Variants in MAGI2 observed in about 807,000 individuals in gnomAD.
The protein encoded by MAGI2 is membrane-associated guanylate kinase, WW and PDZ domain-containing protein 2.
MAGI2 carries 35 observed loss-of-function variants against 133.3 expected under a neutral mutation model. The ratio of observed to expected loss-of-function variants is 0.26; its 90% CI spans 0.20 to 0.35. The LOEUF is 0.35. MAGI2 is among the 10% of genes least tolerant of loss of function. MAGI2 has a pLI of 1.00. For missense variants in MAGI2, 1,636 were observed against 1,863.4 expected (o/e 0.88, Z 2.25); for synonymous variants, 729 against 710.6 (o/e 1.03, Z -0.41).
At chr7:78,585,942 A>G (rs902528758) in intron 3 of MAGI2, among the ~76,000 whole-genome samples, 5 of 152,234 alleles carry the variant, frequency 3.3e-5, no homozygotes, top group South Asian at 2.1e-4. Flanking sequence ...CCAGTAATCA[A>G]TACACCACAG....
chr7:78,276,468 T>A (rs190576194), intron 9 of MAGI2, among the ~76,000 whole-genome samples: 30 of 152,260 alleles, frequency 2.0e-4, no homozygotes, highest in East Asian at 7.7e-4. Context: ...ATTTTATTTT[T>A]TTTTTCCCCA....
Position 78,057,973 on chromosome 7 carries a change from A to ATGTG in MAGI2, c.3706+20970_3706+20973dup, listed in dbSNP as rs1364096782. 4.5e-3 allele frequency among the ~76,000 whole-genome samples: 315 copies of ATGTG among 70,756 alleles called. 4 individuals are homozygous for ATGTG. Among genetic ancestry groups the ATGTG allele is most frequent in the African/African-American group, 0.023 (306 of 13,288 alleles). 46.4% of individuals were successfully genotyped at this position (70,756 alleles called of 152,430 possible). A position where few individuals can be genotyped will look rare whatever the true frequency, so the allele number is the denominator to read the frequency against. ...TTCTCCCCTCTGGCATTTTATATAT[A>ATGTG]TGTGTATATATATATATATATATAT... is the stretch of plus-strand genomic sequence containing the variant. On this transcript the variant is annotated intron_variant, in intron 21 of 21. Coordinates refer to ENST00000354212, the MANE Select transcript of MAGI2 (RefSeq NM_012301.4).
chr7:78,489,807 T>C lies in MAGI2; in HGVS notation c.999A>G (p.Pro333=), dbSNP rs747140845. ...HNTKTTSWLD[P]RLAKKAKPPE... is the part of the protein sequence containing the mutation. ...GAGGTTTAGCCTTTTTCGCAAGTCG[T>C]GGATCCAGCCATGATGTTGTCTTTG... The change falls in exon 6 of 22, where the codon CCA becomes CCG. Residue 333 remains proline, a synonymous_variant. Coordinates refer to ENST00000354212, the MANE Select transcript of MAGI2 (RefSeq NM_012301.4). 1 of 1,612,836 alleles carries C rather than the reference T, an allele frequency of 6.2e-7. No individual in the cohort carries two copies. Among genetic ancestry groups the C allele is most frequent in the Non-Finnish European group, 8.5e-7 (1 of 1,179,336 alleles).
At chr7:79,214,407 C>CTCTATATATA (rs1554406633) in intron 1 of MAGI2, among the ~76,000 whole-genome samples, 4 of 17,714 alleles carry the variant, frequency 2.3e-4, no homozygotes, top group African/African-American at 7.0e-4. Flanking sequence ...CTCTCTCTCT[C>CTCTATATATA]TATATATATA....
At chr7:78,159,216 C>A (rs1824713325) in intron 16 of MAGI2, among the ~76,000 whole-genome samples, 1 of 152,198 alleles carries the variant, frequency 6.6e-6, no homozygotes, top group South Asian at 2.1e-4. Flanking sequence ...GATAAATTGG[C>A]TCTGCTAGGC....
chr7:78,375,052 AG>A (rs1331543304), intron 6 of MAGI2, among the ~76,000 whole-genome samples: 9 of 151,976 alleles, frequency 5.9e-5, no homozygotes, highest in Non-Finnish European at 1.2e-4. Flanking sequence ...CATGTTGGCA[AG>A]GCTGGTCTCC....
chr7:78,988,045 C>A (rs1307772398), intron 2 of MAGI2, among the ~76,000 whole-genome samples: 1 of 152,064 alleles, frequency 6.6e-6, no homozygotes, highest in Admixed American at 6.6e-5. Context: ...ATAATGCTAA[C>A]ATTGCAAAGC....
intron 1 of MAGI2, among the ~76,000 whole-genome samples, chr7:79,219,433 A>T (rs1381826222): frequency 6.6e-6 from 1 of 152,038 alleles, no homozygotes; most frequent in East Asian, 1.9e-4. Context: ...TGTATTTGGC[A>T]TTTAGCTTTC....
chr7:78,520,595 A>C (rs1172737078), intron 4 of MAGI2, among the ~76,000 whole-genome samples: 1 of 152,154 alleles, frequency 6.6e-6, no homozygotes, highest in African/African-American at 2.4e-5. Flanking sequence ...TAATAAAATG[A>C]AATTTTGGAA....
chr7:78,657,335 A>G (rs1304593236), intron 2 of MAGI2, among the ~76,000 whole-genome samples: 3 of 152,200 alleles, frequency 2.0e-5, no homozygotes, highest in African/African-American at 7.2e-5. Context: ...ATTTATCCAA[A>G]GGAGCTGAAA....
At chr7:78,603,948 G>C (rs1254166792) in intron 3 of MAGI2, among the ~76,000 whole-genome samples, 1 of 152,170 alleles carries the variant, frequency 6.6e-6, no homozygotes, top group Non-Finnish European at 1.5e-5. Context: ...TTAGAATAAT[G>C]GTCAGAATAA....
chr7:79,302,527 T>C (rs914368757), intron 1 of MAGI2, among the ~76,000 whole-genome samples: 2 of 152,158 alleles, frequency 1.3e-5, no homozygotes, highest in Non-Finnish European at 2.9e-5. Flanking sequence ...AGGGTGTGTG[T>C]ATATATTTAA....
intron 2 of MAGI2, among the ~76,000 whole-genome samples, chr7:78,726,070 A>G (rs1393974074): frequency 1.3e-5 from 2 of 152,178 alleles, no homozygotes; most frequent in Non-Finnish European, 2.9e-5. Context: ...ATATTAAATT[A>G]TAAAGATAAT....
chr7:79,212,291 AT>A (rs1829566783), intron 1 of MAGI2, among the ~76,000 whole-genome samples: 1 of 151,982 alleles, frequency 6.6e-6, no homozygotes, highest in Admixed American at 6.6e-5. Flanking sequence ...GTATTTTGCT[AT>A]TGCATATAAT....
At chr7:79,077,574 C>CAAAAAAAAAAAAAAAAAAAAA (rs769770373) in intron 1 of MAGI2, among the ~76,000 whole-genome samples, 3 of 23,792 alleles carry the variant, frequency 1.3e-4, no homozygotes, top group Admixed American at 5.0e-4. Flanking sequence ...GACTGCCTCT[C>CAAAAAAAAAAAAAAAAAAAAA]AAAAAAAAAA....
Position 79,179,988 on chromosome 7 carries a change from C to A in MAGI2, c.302-172782G>T, listed in dbSNP as rs146249535. 9.1e-4 allele frequency among the ~76,000 whole-genome samples: 138 copies of A among 152,092 alleles called. 2 individuals carry two copies. Among genetic ancestry groups the A allele is most frequent in the African/African-American group, 3.1e-3 (130 of 41,422 alleles). On this transcript the variant is annotated intron_variant, in intron 1 of 21. Coordinates refer to ENST00000354212, the MANE Select transcript of MAGI2 (RefSeq NM_012301.4). Reference sequence around the variant, plus strand: ...AACAATGAACAGAGTGAAGAAGCAACCTGTTGAATGGAAGAAAATATTTCC... The same window carrying A: ...AACAATGAACAGAGTGAAGAAGCAAACTGTTGAATGGAAGAAAATATTTCC...
At chr7:79,245,850 G>T (rs950634911) in intron 1 of MAGI2, among the ~76,000 whole-genome samples, 4 of 152,154 alleles carry the variant, frequency 2.6e-5, no homozygotes, top group African/African-American at 9.7e-5. Flanking sequence ...TTCAGGTGTG[G>T]CCCAGCATGG....
intron 2 of MAGI2, among the ~76,000 whole-genome samples, chr7:78,837,395 T>A (rs941756223): frequency 1.3e-5 from 2 of 152,176 alleles, no homozygotes; most frequent in South Asian, 4.1e-4. Context: ...ATGCTCTTTA[T>A]AAATTTTCTT....
rs1175103539 is a variant in MAGI2, at chr7:78,521,535, T to C, written c.649A>G (p.Arg217Gly). ...TCCATGTTGCTCACTGATTTATTCC[T>C]CTTCCGTTTTCCTTCAGCACTTGGA... ...ATPSAEGKRK[R>G]NKSVSNMEKA... Residue 217 changes from arginine to glycine, a missense_variant, in exon 4 of 22, where the codon AGG (arginine) becomes GGG (glycine). Arg to Gly is a moderately radical substitution (Grantham distance 125). Coordinates refer to ENST00000354212, the MANE Select transcript of MAGI2 (RefSeq NM_012301.4). The C allele has an allele frequency of 2.5e-6, 4 of 1,614,054 alleles. No homozygotes were observed. Among genetic ancestry groups the C allele is most frequent in the African/African-American group, 1.3e-5 (1 of 74,932 alleles).
Sources: gnomAD v4.1 joint callset for allele counts (sites outside exome capture counted in the v4.1 genomes callset) on GRCh38, gnomAD v4.1.1 for gene constraint, MANE v1.5 for transcripts, NCBI Gene and HGNC (gene_info 2026-07-23, HGNC 2026-07-21) for gene names.